TBC1D4: variants seen among roughly 807,000 people sequenced by gnomAD.
TBC1D4 encodes the protein TBC (Tre-2, BUB2, CDC16) domain-containing protein.
TBC1D4 carries 121 observed loss-of-function variants against 142.5 expected under a neutral mutation model. The observed-to-expected ratio is 0.85, with a 90% CI of 0.73 to 0.99. The LOEUF (loss-of-function observed/expected upper bound fraction) is 0.99, where lower values mean the gene tolerates loss of function less well. Ranked by LOEUF, TBC1D4 falls within the 50% of genes least tolerant of loss-of-function variation. The pLI is 0.00. For synonymous variants in TBC1D4, 630 were observed against 628.2 expected (o/e 1.00, Z -0.04); for missense variants, 1,475 against 1,606.6 (o/e 0.92, Z 1.40).
At chr13:75,368,921 G>A (rs1369136303) in intron 1 of TBC1D4, among the ~76,000 whole-genome samples, 1 of 152,106 alleles carries the variant, frequency 6.6e-6, no homozygotes, top group Non-Finnish European at 1.5e-5. Context: ...GTGTGCACCT[G>A]TAATCCCAGC....
intron 11 of TBC1D4, among the ~76,000 whole-genome samples, chr13:75,322,752 G>A (rs1246250292): frequency 6.6e-6 from 1 of 152,068 alleles, no homozygotes; most frequent in Non-Finnish European, 1.5e-5. Flanking sequence ...CTTATCAGTA[G>A]GCCGTATTAT....
At chr13:75,349,626 T>C (rs1003334781) in intron 4 of TBC1D4, among the ~76,000 whole-genome samples, 1 of 152,246 alleles carries the variant, frequency 6.6e-6, no homozygotes, top group Non-Finnish European at 1.5e-5. Flanking sequence ...TTTAATTATA[T>C]GCTTTATCAG....
chr13:75,324,293 C>T lies in TBC1D4; in HGVS notation c.2142G>A (p.Leu714=). Residue 714 remains leucine (L), a synonymous_variant, in exon 11 of 21, where the codon CTG becomes CTA. Coordinates refer to ENST00000377636, the MANE Select transcript of TBC1D4 (RefSeq NM_014832.5). The part of the protein sequence containing the change: ...SAPSFTAPSF[L]KSFYQNSGRL... Reference sequence around the variant, plus strand: ...TACCTGAATTCTGGTAAAAGCTTTTCAGGAAAGAGGGGGCAGTGAAGGAAG... The same window carrying T: ...TACCTGAATTCTGGTAAAAGCTTTTTAGGAAAGAGGGGGCAGTGAAGGAAG... The T allele has an allele frequency of 6.2e-7, 1 of 1,613,864 alleles. No homozygotes were observed. Among genetic ancestry groups the T allele is most frequent in the Non-Finnish European group, 8.5e-7 (1 of 1,179,874 alleles).
chr13:75,368,441 G>C (rs1352937186), intron 1 of TBC1D4, among the ~76,000 whole-genome samples: 1 of 152,068 alleles, frequency 6.6e-6, no homozygotes, highest in African/African-American at 2.4e-5. Flanking sequence ...TCTCAGACCA[G>C]GCTTTAGTTC....
At chr13:75,380,929 G>T (rs1883811869) in intron 1 of TBC1D4, among the ~76,000 whole-genome samples, 1 of 151,818 alleles carries the variant, frequency 6.6e-6, no homozygotes, top group African/African-American at 2.4e-5. Flanking sequence ...ATTATAAATG[G>T]TCAAAATTTT....
At chr13:75,332,427 C>T (rs1678130947) in intron 8 of TBC1D4, among the ~76,000 whole-genome samples, 2 of 152,180 alleles carry the variant, frequency 1.3e-5, no homozygotes, top group Admixed American at 6.5e-5. Context: ...TACCCTGACA[C>T]CTACTTAAAT....
chr13:75,378,480 A>G (rs1004828365), intron 1 of TBC1D4, among the ~76,000 whole-genome samples: 2 of 152,138 alleles, frequency 1.3e-5, no homozygotes, highest in Non-Finnish European at 2.9e-5. Context: ...GTCATCAGTG[A>G]TACAGATGGA....
At chr13:75,441,083 C>T (rs1197511279) in intron 1 of TBC1D4, among the ~76,000 whole-genome samples, 1 of 151,962 alleles carries the variant, frequency 6.6e-6, no homozygotes, top group African/African-American at 2.4e-5. Context: ...AGTGAAATAC[C>T]GTCTTTACTA....
At chr13:75,450,062 A>G (rs1887470437) in intron 1 of TBC1D4, among the ~76,000 whole-genome samples, 1 of 152,212 alleles carries the variant, frequency 6.6e-6, no homozygotes, top group South Asian at 2.1e-4. Flanking sequence ...GCTGATAGGA[A>G]TTTTAATGGA....
chr13:75,349,116 T>C (rs905965214), intron 5 of TBC1D4, 54 bp downstream of exon 5: 15 of 1,613,074 alleles, frequency 9.3e-6, no homozygotes, highest in Non-Finnish European at 1.3e-5. Flanking sequence ...GACTTTCTCA[T>C]TTCCCAAATG....
intron 10 of TBC1D4, 137 bp from the exon 11 acceptor site, chr13:75,324,538 GA>G (rs200738410): frequency 5.0e-4 from 473 of 945,750 alleles, no homozygotes; most frequent in Non-Finnish European, 5.5e-4. Flanking sequence ...GATCTTACAT[GA>G]AAAAAAAAGA....
chr13:75,376,926 C>A (rs1257850605), intron 1 of TBC1D4, among the ~76,000 whole-genome samples: 1 of 152,186 alleles, frequency 6.6e-6, no homozygotes, highest in Non-Finnish European at 1.5e-5. Flanking sequence ...AATAGCACCA[C>A]GTGTGTAACC....
chr13:75,457,669 T>G (rs892631480), intron 1 of TBC1D4, among the ~76,000 whole-genome samples: 15 of 152,200 alleles, frequency 9.9e-5, no homozygotes, highest in Admixed American at 8.5e-4. Flanking sequence ...CAGGCAATAT[T>G]TATCCCAAAC....
chr13:75,458,913 A>G (rs1056971369), intron 1 of TBC1D4, among the ~76,000 whole-genome samples: 6 of 152,070 alleles, frequency 3.9e-5, no homozygotes, highest in African/African-American at 1.4e-4. Flanking sequence ...CCTTAGAAAG[A>G]GAAAGCACTA....
chr13:75,480,736 A>C (rs1888809511), intron 1 of TBC1D4, among the ~76,000 whole-genome samples: 2 of 152,240 alleles, frequency 1.3e-5, no homozygotes, highest in African/African-American at 4.8e-5. Context: ...ATTGCCTCCC[A>C]GACCGGAGAC....
chr13:75,478,608 T>C (rs1182736782), intron 1 of TBC1D4, among the ~76,000 whole-genome samples: 1 of 152,202 alleles, frequency 6.6e-6, no homozygotes, highest in East Asian at 1.9e-4. Flanking sequence ...GTCTTCCTTC[T>C]GATTTCAAGG....
Position 75,437,774 on chromosome 13 carries a change from T to C in TBC1D4, c.498+43496A>G, listed in dbSNP as rs559223056. Among the ~76,000 whole-genome samples, 3 of 152,256 alleles carry C rather than the reference T, an allele frequency of 2.0e-5. No individual in the cohort carries two copies. The South Asian group carries it at 6.2e-4, about 32-fold the overall frequency. The stretch of plus-strand genomic sequence containing the variant: ...ACTCACCAGTAGTAGCTAATTCCTC[T>C]ATAAAACAGAGCAAGCTGTTAAGTG... On this transcript the variant is annotated intron_variant, in intron 1 of 20. Coordinates refer to ENST00000377636, the MANE Select transcript of TBC1D4 (RefSeq NM_014832.5).
Position 75,320,156 on chromosome 13 carries a change from A to G in TBC1D4, c.2199-119T>C, listed in dbSNP as rs917316086. ...AAGTCATGGTAAGGTTACTTCAATAATGAACCACAATGAATAATTATACCT... is the reference window on the plus strand; with the variant it reads ...AAGTCATGGTAAGGTTACTTCAATAGTGAACCACAATGAATAATTATACCT... On this transcript the variant is annotated intron_variant, in intron 11 of 20. Coordinates refer to ENST00000377636, the MANE Select transcript of TBC1D4 (RefSeq NM_014832.5). The G allele has an allele frequency of 5.7e-5, 57 of 999,084 alleles. No homozygotes were observed. In the Admixed American group the frequency reaches 1.2e-3, roughly 20 times the overall value. 61.9% of individuals were successfully genotyped at this position (999,084 alleles called of 1,614,324 possible).
chr13:75,347,223 A>G (rs1881222060), intron 5 of TBC1D4, among the ~76,000 whole-genome samples: 1 of 152,102 alleles, frequency 6.6e-6, no homozygotes, highest in African/African-American at 2.4e-5. Flanking sequence ...TGTTGTTTCC[A>G]TTTTCATTTC....
Sources: gnomAD v4.1 joint callset for allele counts (sites outside exome capture counted in the v4.1 genomes callset) on GRCh38, gnomAD v4.1.1 for gene constraint, MANE v1.5 for transcripts, NCBI Gene and HGNC (gene_info 2026-07-23, HGNC 2026-07-21) for gene names.